Variants in NAALADL2 observed in about 807,000 individuals in gnomAD.
The protein encoded by NAALADL2 is N-acetylated alpha-linked acidic dipeptidase like 2.
In NAALADL2, 76 loss-of-function variants were observed where a neutral mutation model predicts 87.2. The observed-to-expected ratio is 0.87, with a 90% CI of 0.72 to 1.05. The LOEUF (loss-of-function observed/expected upper bound fraction) is 1.05, where lower values mean the gene tolerates loss of function less well. NAALADL2 is among the 50% of genes least tolerant of loss of function. The probability of loss-of-function intolerance (pLI) is 0.00; values close to 1 mark genes in which losing one functional copy is unlikely to be tolerated. For synonymous variants in NAALADL2, 354 were observed against 331.0 expected (o/e 1.07, Z -0.75); for missense variants, 1,089 against 945.8 (o/e 1.15, Z -1.99).
chr3:175,090,348 A>C (rs968770052), intron 1 of NAALADL2, among the ~76,000 whole-genome samples: 1 of 151,924 alleles, frequency 6.6e-6, no homozygotes, highest in African/African-American at 2.4e-5. Flanking sequence ...CTGCTTGCCA[A>C]ATCCTGAATT....
At chr3:174,547,856 C>T (rs536484397) in intron 1 of NAALADL2, among the ~76,000 whole-genome samples, 4 of 152,094 alleles carry the variant, frequency 2.6e-5, no homozygotes, top group Non-Finnish European at 5.9e-5. Context: ...AGCCTTTCAA[C>T]TTATGGCATT....
chr3:175,122,988 G>T (rs1461263), intron 2 of NAALADL2, among the ~76,000 whole-genome samples: 151,930 of 151,964 alleles, frequency 1, 75,948 homozygotes, highest in Middle Eastern at 1. Flanking sequence ...CTTTTTATAA[G>T]GAACCCATTC....
chr3:175,519,306 T>A (rs1456283601), intron 9 of NAALADL2, among the ~76,000 whole-genome samples: 1 of 152,224 alleles, frequency 6.6e-6, no homozygotes, highest in Non-Finnish European at 1.5e-5. Flanking sequence ...AGAGAGATTC[T>A]AGTTGCTATG....
intron 1 of NAALADL2, among the ~76,000 whole-genome samples, chr3:175,046,672 A>G (rs943901266): frequency 1.3e-5 from 2 of 152,220 alleles, no homozygotes; most frequent in Admixed American, 6.5e-5. Flanking sequence ...GGAACTCAGC[A>G]TATACAAAGG....
At chr3:175,251,520 T>C (rs1042931588) in intron 3 of NAALADL2, among the ~76,000 whole-genome samples, 3 of 152,240 alleles carry the variant, frequency 2.0e-5, no homozygotes, top group Non-Finnish European at 2.9e-5. Context: ...ACATTTCCCA[T>C]AGAGACCAGT....
intron 11 of NAALADL2, among the ~76,000 whole-genome samples, chr3:175,652,669 G>A (rs1420806089): frequency 6.6e-6 from 1 of 151,786 alleles, no homozygotes; most frequent in East Asian, 1.9e-4. Context: ...TAGTAGAAAC[G>A]GGGTTTCACC....
chr3:175,084,717 G>A (rs1718539285), intron 1 of NAALADL2, among the ~76,000 whole-genome samples: 1 of 152,116 alleles, frequency 6.6e-6, no homozygotes, highest in Non-Finnish European at 1.5e-5. Context: ...AAACATTTCT[G>A]TGGTCAAAGA....
chr3:175,250,253 CTGTGTG>C (rs147841608), intron 3 of NAALADL2, among the ~76,000 whole-genome samples: 24,827 of 146,014 alleles, frequency 0.17, 2,304 homozygotes, highest in East Asian at 0.33. Context: ...CTCACTTTTT[CTGTGTG>C]TGTGTGTGTG....
At chr3:175,387,126 A>C (rs2149005350) in intron 5 of NAALADL2, among the ~76,000 whole-genome samples, 1 of 152,204 alleles carries the variant, frequency 6.6e-6, no homozygotes. Context: ...CAGCCACAAT[A>C]TGAGATAAGC....
At chr3:175,685,527 G>C (rs1294877405) in intron 11 of NAALADL2, among the ~76,000 whole-genome samples, 1 of 151,610 alleles carries the variant, frequency 6.6e-6, no homozygotes, top group Non-Finnish European at 1.5e-5. Flanking sequence ...AAGTGATGGA[G>C]AGAAAAAGAG....
intron 1 of NAALADL2, among the ~76,000 whole-genome samples, chr3:174,906,307 T>G (rs963080465): frequency 6.6e-6 from 1 of 152,086 alleles, no homozygotes; most frequent in Non-Finnish European, 1.5e-5. Flanking sequence ...ACCTCTAATA[T>G]CCCTGCTTCT....
At chr3:174,587,957 A>G (rs1447713042) in intron 2 of NAALADL2, among the ~76,000 whole-genome samples, 1 of 151,988 alleles carries the variant, frequency 6.6e-6, no homozygotes, top group Non-Finnish European at 1.5e-5. Context: ...CCTGGATAAT[A>G]TCCTGAGTTT....
intron 1 of NAALADL2, among the ~76,000 whole-genome samples, chr3:174,945,767 G>C (rs1394845949): frequency 1.3e-5 from 2 of 152,102 alleles, no homozygotes; most frequent in East Asian, 3.9e-4. Flanking sequence ...CTTCAGAAGG[G>C]CTGGGCAAGG....
chr3:175,784,349 G>C (rs1751597657), intron 13 of NAALADL2, among the ~76,000 whole-genome samples: 1 of 151,866 alleles, frequency 6.6e-6, no homozygotes, highest in Non-Finnish European at 1.5e-5. Context: ...ATTTTTGGTT[G>C]GTAAACTATT....
chr3:175,121,780 T>A (rs2108569482), intron 2 of NAALADL2, among the ~76,000 whole-genome samples: 1 of 151,996 alleles, frequency 6.6e-6, no homozygotes, highest in East Asian at 1.9e-4. Context: ...TCTCCATATG[T>A]TCCTCTGGCC....
At chr3:174,818,218 TA>T (rs1560254591) in intron 3 of NAALADL2, among the ~76,000 whole-genome samples, 1 of 152,134 alleles carries the variant, frequency 6.6e-6, no homozygotes, top group African/African-American at 2.4e-5. Context: ...TGCAGCCAAA[TA>T]GGGGGGACAG....
chr3:175,136,647 A>G (rs1018726407), intron 2 of NAALADL2, among the ~76,000 whole-genome samples: 3 of 152,042 alleles, frequency 2.0e-5, no homozygotes, highest in Non-Finnish European at 2.9e-5. Context: ...TTCTTTCTGA[A>G]GATGCTAAAT....
At chr3:175,526,799 G>C (rs757931196) in intron 9 of NAALADL2, among the ~76,000 whole-genome samples, 12 of 152,048 alleles carry the variant, frequency 7.9e-5, no homozygotes, top group Non-Finnish European at 1.2e-4. Context: ...ACTTTCTTCC[G>C]GGGAAAACCG....
At chr3:175,154,399 T>C in intron 2 of NAALADL2, among the ~76,000 whole-genome samples, 1 of 152,172 alleles carries the variant, frequency 6.6e-6, no homozygotes, top group East Asian at 1.9e-4. Context: ...AGAGCATAGA[T>C]TTTAAAGAAC....
Sources: allele counts gnomAD v4.1 joint callset (sites outside exome capture counted in the v4.1 genomes callset), GRCh38; gene constraint gnomAD v4.1.1; transcripts MANE v1.5; gene names NCBI Gene and HGNC (gene_info 2026-07-23, HGNC 2026-07-21).